The following CENPC variants were observed in gnomAD, a reference collection of about 807,000 sequenced individuals.
CENPC encodes centromere protein C, also known as CENP-C 1.
A neutral mutation model predicts 112.1 loss-of-function variants in CENPC; 63 were observed. That is an observed-to-expected ratio of 0.56 (90% CI 0.46 to 0.69). The LOEUF is 0.69. Ranked by LOEUF, CENPC falls within the 30% of genes least tolerant of loss-of-function variation. The pLI is 0.00. For synonymous variants in CENPC, 333 were observed against 367.6 expected (o/e 0.91, Z 1.08); for missense variants, 1,000 against 1,103.8 (o/e 0.91, Z 1.33).
rs1432559898 is a variant in CENPC, at chr4:67,545,321, G to T, written c.18+17C>A. 13 of 1,469,020 alleles carry T rather than the reference G, an allele frequency of 8.8e-6. No homozygotes were observed. Among genetic ancestry groups the T allele is most frequent in the African/African-American group, 4.3e-5 (3 of 69,184 alleles). The allele number at this position is 1,469,020 out of a possible 1,614,324, so 91.0% of individuals were successfully genotyped here. A position where few individuals can be genotyped will look rare whatever the true frequency, so the allele number is the denominator to read the frequency against. On this transcript the variant is annotated intron_variant, in intron 1 of 18. Transcript: ENST00000273853. ...AGCCGCTCAACCACTCGCCTGGAGC[G>T]GGGGGCCTGCACTTACCAGACCGGA... is the stretch of plus-strand genomic sequence containing the variant.
chr4:67,484,190 T>C (rs1577973238), intron 17 of CENPC, among the ~76,000 whole-genome samples: 1 of 152,310 alleles, frequency 6.6e-6, no homozygotes, highest in Middle Eastern at 3.4e-3. Context: ...CAAATACAAC[T>C]GTCTACAGTA....
intron 2 of CENPC, 122 bp from the exon 3 acceptor site, chr4:67,541,172 T>C (rs1726879516): frequency 1.6e-6 from 1 of 640,244 alleles, no homozygotes; most frequent in Non-Finnish European, 2.6e-6. Flanking sequence ...ATATCTTTAC[T>C]ATTTGAAGAC....
At chr4:67,544,037 G>A in intron 2 of CENPC, 112 bp downstream of exon 2, 1 of 657,228 alleles carries the variant, frequency 1.5e-6, no homozygotes, top group Non-Finnish European at 2.8e-6. Context: ...CTTAATCAGT[G>A]GGCACAGAAA....
chr4:67,534,315 C>T (rs1469650858), intron 4 of CENPC, among the ~76,000 whole-genome samples: 2 of 152,026 alleles, frequency 1.3e-5, no homozygotes, highest in Non-Finnish European at 2.9e-5. Context: ...GCTCGAGAGG[C>T]TGAGACAGGA....
intron 9 of CENPC, among the ~76,000 whole-genome samples, chr4:67,509,925 C>T (rs1271135145): frequency 1.3e-5 from 2 of 152,060 alleles, no homozygotes; most frequent in Non-Finnish European, 2.9e-5. Flanking sequence ...CCAAATACTT[C>T]AACATCAATT....
intron 17 of CENPC, among the ~76,000 whole-genome samples, chr4:67,488,857 G>A (rs999035665): frequency 6.6e-6 from 1 of 151,880 alleles, no homozygotes; most frequent in Non-Finnish European, 1.5e-5. Flanking sequence ...TACTGATGTA[G>A]TAATAATCTT....
intron 1 of CENPC, among the ~76,000 whole-genome samples, chr4:67,544,842 A>C (rs1239313467): frequency 6.6e-6 from 1 of 152,204 alleles, no homozygotes; most frequent in African/African-American, 2.4e-5. Context: ...GAAAACGTCA[A>C]ATTATTTCGA....
intron 17 of CENPC, 57 bp from the exon 18 acceptor site, chr4:67,475,035 G>C (rs1175858836): frequency 6.3e-6 from 6 of 946,330 alleles, no homozygotes; most frequent in Non-Finnish European, 9.6e-6. Flanking sequence ...ATACTTCAAA[G>C]GAACCTTAAA....
chr4:67,509,207 TACACACACACACACACACACACAC>T (rs36207189), intron 9 of CENPC, 102 bp from the exon 10 acceptor site: 54 of 486,126 alleles, frequency 1.1e-4, no homozygotes, highest in Non-Finnish European at 1.2e-4. Flanking sequence ...CATATACACA[TACACACACACACACACACACACAC>T]ACACACACAC....
chr4:67,511,041 G>A (rs1005106137), intron 9 of CENPC: 34 of 456,032 alleles, frequency 7.5e-5, no homozygotes, highest in Non-Finnish European at 1.4e-4. Context: ...GCAGAAAAGT[G>A]AGTTCCCCAA....
At chr4:67,477,635 T>C (rs9992946) in intron 17 of CENPC, among the ~76,000 whole-genome samples, 132,495 of 152,194 alleles carry the variant, frequency 0.87, 57,861 homozygotes, top group East Asian at 0.93. Context: ...GGTAATGTGA[T>C]AAAGCAAGGT....
chr4:67,495,876 G>A (rs1725418826), intron 12 of CENPC, among the ~76,000 whole-genome samples: 2 of 152,170 alleles, frequency 1.3e-5, no homozygotes, highest in Non-Finnish European at 2.9e-5. Flanking sequence ...CCTAAAGATG[G>A]CTGTCATCCC....
intron 5 of CENPC, among the ~76,000 whole-genome samples, chr4:67,520,969 AC>A (rs1393499287): frequency 1.3e-5 from 2 of 151,996 alleles, no homozygotes; most frequent in Admixed American, 1.3e-4. Context: ...CTAAGATCAC[AC>A]CACTGCCCTC....
intron 2 of CENPC, among the ~76,000 whole-genome samples, chr4:67,541,894 T>G (rs1290712157): frequency 6.6e-6 from 1 of 152,180 alleles, no homozygotes; most frequent in Non-Finnish European, 1.5e-5. Context: ...CTGTCCTCCA[T>G]TTCTAAAACT....
At chr4:67,476,016 C>T (rs1009871084) in intron 17 of CENPC, among the ~76,000 whole-genome samples, 3 of 152,164 alleles carry the variant, frequency 2.0e-5, no homozygotes, top group African/African-American at 7.2e-5. Flanking sequence ...ATCGTATTGC[C>T]TAGTGACCTC....
chr4:67,506,697 T>C (rs1487664840), intron 11 of CENPC, 91 bp downstream of exon 11: 1 of 1,071,698 alleles, frequency 9.3e-7, no homozygotes, highest in African/African-American at 1.6e-5. Context: ...TTTAAGCTTT[T>C]AACAAAATTA....
chr4:67,542,489 G>T (rs1243249725), intron 2 of CENPC, among the ~76,000 whole-genome samples: 4 of 152,124 alleles, frequency 2.6e-5, no homozygotes, highest in Non-Finnish European at 5.9e-5. Flanking sequence ...AAATCATCCA[G>T]TCCAATAATC....
chr4:67,475,577 T>G (rs1303929314), intron 17 of CENPC, among the ~76,000 whole-genome samples: 2 of 152,192 alleles, frequency 1.3e-5, no homozygotes, highest in Non-Finnish European at 2.9e-5. Flanking sequence ...TCTACATAAC[T>G]GTGAGATAGA....
intron 6 of CENPC, among the ~76,000 whole-genome samples, chr4:67,518,868 C>T (rs1041868008): frequency 3.0e-4 from 46 of 152,282 alleles, no homozygotes; most frequent in African/African-American, 1.1e-3. Flanking sequence ...CTCAATAATA[C>T]TTATGCTCTG....
Sources: gnomAD v4.1 joint callset for allele counts (sites outside exome capture counted in the v4.1 genomes callset) on GRCh38, gnomAD v4.1.1 for gene constraint, MANE v1.5 for transcripts, NCBI Gene and HGNC (gene_info 2026-07-23, HGNC 2026-07-21) for gene names.